The following PUDP variants were observed in gnomAD, a reference collection of about 807,000 sequenced individuals.
PUDP encodes pseudouridine-5'-phosphatase.
In PUDP, 8 loss-of-function variants were observed where a neutral mutation model predicts 9.4. That is an observed-to-expected ratio of 0.85 (90% CI 0.50 to 1.53). The LOEUF is 1.53. Ranked by LOEUF, PUDP falls within the 40% of genes most tolerant of loss-of-function variation. PUDP has a pLI of 0.00. For missense variants in PUDP, 188 were observed against 189.7 expected (o/e 0.99, Z 0.05); for synonymous variants, 99 against 80.7 (o/e 1.23, Z -1.22).
At chrX:7,113,846 T>A (rs1932118940) in intron 1 of PUDP, among the ~76,000 whole-genome samples, 1 of 111,906 alleles carries the variant, frequency 8.9e-6, no homozygotes, top group Non-Finnish European at 1.9e-5. Flanking sequence ...TCTGTCTTAT[T>A]CCATTTTCTG....
At chrX:6,852,340 C>T (rs761277774) in intron 3 of PUDP, among the ~76,000 whole-genome samples, 1 of 112,414 alleles carries the variant, frequency 8.9e-6, no homozygotes, top group Admixed American at 9.3e-5. Context: ...CGGGCTGATG[C>T]ATACTCAGCA....
At chrX:6,807,778 C>T (rs996232351) in intron 3 of PUDP, among the ~76,000 whole-genome samples, 1 of 112,195 alleles carries the variant, frequency 8.9e-6, no homozygotes, top group African/African-American at 3.2e-5. Context: ...AACGTTTGCC[C>T]TCATCTCTAT....
chrX:7,073,286 G>A lies in PUDP; in HGVS notation c.510+3934C>T, dbSNP rs1306975209. 4.5e-5 allele frequency among the ~76,000 whole-genome samples: 5 copies of A among 112,138 alleles called. No individual in the cohort carries two copies. The East Asian group carries it at 1.4e-3, about 31-fold the overall frequency. On this transcript the variant is annotated intron_variant, in intron 3 of 3. Coordinates refer to ENST00000381077, the MANE Select transcript of PUDP (RefSeq NM_012080.5). ...GTGAAAACTTGATTCTTTAATGTCA[G>A]CTCTGTTGGACACTTTCTCCTAGTA... is the stretch of plus-strand genomic sequence containing the variant.
At chrX:6,802,885 C>A (rs1471284058) in intron 3 of PUDP, among the ~76,000 whole-genome samples, 1 of 70,526 alleles carries the variant, frequency 1.4e-5, no homozygotes, top group Non-Finnish European at 2.6e-5. Flanking sequence ...GACTTTTTGT[C>A]TCAAAAATAA....
At chrX:6,775,760 GC>G (rs770441637) in intron 3 of PUDP, among the ~76,000 whole-genome samples, 25 of 110,578 alleles carry the variant, frequency 2.3e-4, no homozygotes, top group African/African-American at 7.2e-4. Flanking sequence ...TATGAAAAAG[GC>G]CCCAGAGAGC....
At chrX:6,827,903 A>T (rs1384207571) in intron 3 of PUDP, among the ~76,000 whole-genome samples, 1 of 112,104 alleles carries the variant, frequency 8.9e-6, no homozygotes, top group Non-Finnish European at 1.9e-5. Context: ...GGACTAAATG[A>T]AGTTCTCTTT....
In PUDP at chrX:6,992,269, C is replaced by CTTTT. The variant is rs750888246; in HGVS notation, c.205-13930_205-13927dup. Among the ~76,000 whole-genome samples, 86 of 62,559 alleles carry CTTTT rather than the reference C, an allele frequency of 1.4e-3. 3 individuals carry two copies. Among genetic ancestry groups the CTTTT allele is most frequent in the Admixed American group, 2.9e-3 (13 of 4,534 alleles). The allele number at this position is 62,559 out of a possible 115,157, so 54.3% of individuals were successfully genotyped here. ...TCTTAAAGGAGAATTTTCAGGGTGTCTTTTTTTTTTTTTTTTTTTTTGAGA... is the reference window on the plus strand; with the variant it reads ...TCTTAAAGGAGAATTTTCAGGGTGTCTTTTTTTTTTTTTTTTTTTTTTTTTGAGA... On this transcript the variant is annotated intron_variant and NMD_transcript_variant, in intron 1 of 3. Transcript: ENST00000655425.
chrX:6,844,104 C>G (rs1477104574), intron 3 of PUDP, among the ~76,000 whole-genome samples: 1 of 112,198 alleles, frequency 8.9e-6, no homozygotes, highest in Non-Finnish European at 1.9e-5. Context: ...ATCTTCAATG[C>G]CAGAAATGGC....
At chrX:7,121,598 G>T (rs1437709816) in intron 1 of PUDP, among the ~76,000 whole-genome samples, 1 of 111,432 alleles carries the variant, frequency 9.0e-6, no homozygotes. Flanking sequence ...GTTGACAGAA[G>T]GTGACAGCCT....
intron 3 of PUDP, among the ~76,000 whole-genome samples, chrX:7,052,742 C>T (rs1270465790): frequency 1.8e-5 from 2 of 111,603 alleles, no homozygotes; most frequent in African/African-American, 6.5e-5. Flanking sequence ...CCAGCTGTTT[C>T]GGTTTGCTTG....
At chrX:6,967,732 C>T (rs1172258843) in intron 3 of PUDP, among the ~76,000 whole-genome samples, 6 of 111,824 alleles carry the variant, frequency 5.4e-5, no homozygotes, top group African/African-American at 2.0e-4. Flanking sequence ...AGCCCTCCTT[C>T]CCTTGGCTGG....
intron 3 of PUDP, among the ~76,000 whole-genome samples, chrX:6,958,425 G>A (rs997825605): frequency 5.4e-5 from 6 of 111,769 alleles, no homozygotes; most frequent in Non-Finnish European, 7.5e-5. Flanking sequence ...ATGGCTAGCC[G>A]GTATTTAAGA....
intron 3 of PUDP, among the ~76,000 whole-genome samples, chrX:6,746,534 C>T (rs1324487277): frequency 5.4e-5 from 6 of 111,211 alleles, no homozygotes; most frequent in Non-Finnish European, 3.8e-5. Context: ...GCCCAGCATG[C>T]GTTAGCTATG....
chrX:6,947,001 GT>G (rs10574189), intron 3 of PUDP, among the ~76,000 whole-genome samples: 3,761 of 29,374 alleles, frequency 0.13, 187 homozygotes, highest in African/African-American at 0.25. Flanking sequence ...CTGTTTGTTT[GT>G]TTTTTTTTTT....
chrX:6,767,104 G>A (rs1003891824), intron 3 of PUDP, among the ~76,000 whole-genome samples: 4 of 112,777 alleles, frequency 3.5e-5, no homozygotes, highest in African/African-American at 1.3e-4. Context: ...ATTTTAAAAG[G>A]TGACATTCGT....
chrX:6,889,770 T>C (rs1388982088), intron 3 of PUDP, among the ~76,000 whole-genome samples: 2 of 111,895 alleles, frequency 1.8e-5, no homozygotes, highest in African/African-American at 6.5e-5. Flanking sequence ...TTCCCATCTT[T>C]GGATGCCTCA....
chrX:6,731,255 T>C (rs765628804), intron 3 of PUDP, among the ~76,000 whole-genome samples: 34 of 111,278 alleles, frequency 3.1e-4, no homozygotes, highest in Middle Eastern at 4.6e-3. Flanking sequence ...TAACTTTTTG[T>C]AGAGACAAGG....
At chrX:7,132,950 G>GA (rs1438014897) in intron 1 of PUDP, among the ~76,000 whole-genome samples, 52 of 111,878 alleles carry the variant, frequency 4.6e-4, no homozygotes, top group Admixed American at 2.2e-3. Context: ...TATTAGATCA[G>GA]AAAAAAGCCT....
At chrX:6,859,243 G>A (rs1238078228) in intron 3 of PUDP, among the ~76,000 whole-genome samples, 3 of 111,507 alleles carry the variant, frequency 2.7e-5, no homozygotes, top group African/African-American at 9.8e-5. Flanking sequence ...TTAGCAGCAT[G>A]AGAACAGACT....
Sources: gnomAD v4.1 joint callset for allele counts (sites outside exome capture counted in the v4.1 genomes callset) on GRCh38, gnomAD v4.1.1 for gene constraint, MANE v1.5 for transcripts, NCBI Gene and HGNC (gene_info 2026-07-23, HGNC 2026-07-21) for gene names.